CDKAL1: variants seen among roughly 807,000 people sequenced by gnomAD.
The protein encoded by CDKAL1 is threonylcarbamoyladenosine tRNA methylthiotransferase.
CDKAL1 carries 32 observed loss-of-function variants against 68.2 expected under a neutral mutation model. That is an observed-to-expected ratio of 0.47 (90% CI 0.35 to 0.63). The LOEUF (loss-of-function observed/expected upper bound fraction) is 0.63. Ranked by LOEUF, CDKAL1 falls within the 30% of genes least tolerant of loss-of-function variation. CDKAL1 has a pLI of 0.00. For synonymous variants in CDKAL1, 234 were observed against 244.3 expected (o/e 0.96, Z 0.39); for missense variants, 606 against 696.7 (o/e 0.87, Z 1.47).
chr6:20,837,480 C>T (rs1263785166), intron 8 of CDKAL1, among the ~76,000 whole-genome samples: 1 of 152,056 alleles, frequency 6.6e-6, no homozygotes, highest in South Asian at 2.1e-4. Context: ...GTTTTGTTCA[C>T]TAATACTCCT....
intron 4 of CDKAL1, among the ~76,000 whole-genome samples, chr6:20,638,310 C>T (rs188301879): frequency 6.6e-6 from 1 of 152,156 alleles, no homozygotes; most frequent in Non-Finnish European, 1.5e-5. Flanking sequence ...TTGAACATCT[C>T]TTTGTATGTT....
At position 21,000,290 on chromosome 6, in the gene CDKAL1, G is replaced by C. The variant is rs1369009971; in HGVS notation, c.973G>C (p.Ala325Pro). The C allele has an allele frequency of 8.1e-6, 13 of 1,613,770 alleles. No homozygotes were observed. Among genetic ancestry groups the C allele is most frequent in the Non-Finnish European group, 1.1e-5 (13 of 1,179,718 alleles). The change falls in exon 11 of 16, where the codon GCC (alanine) becomes CCC (proline). Residue 325 changes from alanine to proline, a missense_variant. By Grantham distance (27) the Ala-to-Pro change is conservative (BLOSUM62 -1). Coordinates refer to ENST00000274695, the MANE Select transcript of CDKAL1 (RefSeq NM_017774.3). ...TTTTCTGCACATACCAGTCCAGTCTGCCTCCGACAGCGTACTCATGGAAAT... is the reference window on the plus strand; with the variant it reads ...TTTTCTGCACATACCAGTCCAGTCTCCCTCCGACAGCGTACTCATGGAAAT... ...YAFLHIPVQS[A>P]SDSVLMEMKR...
At chr6:20,767,185 T>C (rs1774739339) in intron 7 of CDKAL1, among the ~76,000 whole-genome samples, 1 of 152,142 alleles carries the variant, frequency 6.6e-6, no homozygotes, top group African/African-American at 2.4e-5. Flanking sequence ...GTAAAATATA[T>C]TGAGAATAGA....
At chr6:20,636,891 G>A (rs181636483) in intron 4 of CDKAL1, among the ~76,000 whole-genome samples, 1 of 152,030 alleles carries the variant, frequency 6.6e-6, no homozygotes, top group East Asian at 2.0e-4. Context: ...ACAAAAATTA[G>A]CCAGGTATGG....
chr6:20,880,071 A>T (rs964012891), intron 9 of CDKAL1, among the ~76,000 whole-genome samples: 1 of 152,178 alleles, frequency 6.6e-6, no homozygotes, highest in African/African-American at 2.4e-5. Context: ...TGTCTTCCAT[A>T]TCACACCTAG....
At chr6:20,658,927 ATC>A (rs1769155744) in intron 5 of CDKAL1, among the ~76,000 whole-genome samples, 1 of 152,112 alleles carries the variant, frequency 6.6e-6, no homozygotes, top group African/African-American at 2.4e-5. Flanking sequence ...CAATTCTACC[ATC>A]TCAGCCTCAT....
intron 4 of CDKAL1, among the ~76,000 whole-genome samples, chr6:20,609,878 G>A (rs947146421): frequency 6.6e-6 from 1 of 152,062 alleles, no homozygotes; most frequent in East Asian, 1.9e-4. Flanking sequence ...CTTCATCACA[G>A]GTATTAAGCC....
intron 5 of CDKAL1, among the ~76,000 whole-genome samples, chr6:20,734,679 T>C (rs1773104122): frequency 6.6e-6 from 1 of 152,162 alleles, no homozygotes; most frequent in South Asian, 2.1e-4. Flanking sequence ...GCTTAGATTA[T>C]AGTTCTGGTC....
chr6:20,985,515 G>A (rs1766405389), intron 10 of CDKAL1, among the ~76,000 whole-genome samples: 1 of 152,152 alleles, frequency 6.6e-6, no homozygotes, highest in Non-Finnish European at 1.5e-5. Context: ...GGCTGGTCTT[G>A]AACTCCTGAT....
chr6:20,669,948 T>A (rs1168893059), intron 5 of CDKAL1, among the ~76,000 whole-genome samples: 1 of 151,482 alleles, frequency 6.6e-6, no homozygotes, highest in Non-Finnish European at 1.5e-5. Context: ...CCTATAACTA[T>A]TTCTACTTAT....
intron 8 of CDKAL1, among the ~76,000 whole-genome samples, chr6:20,818,903 T>G (rs1370366790): frequency 6.6e-6 from 1 of 152,006 alleles, no homozygotes; most frequent in East Asian, 1.9e-4. Context: ...GAATTTAGGT[T>G]GTACAAAATG....
intron 4 of CDKAL1, among the ~76,000 whole-genome samples, chr6:20,585,536 A>T (rs146982204): frequency 2.6e-5 from 4 of 152,254 alleles, no homozygotes; most frequent in African/African-American, 9.6e-5. Context: ...GCTCTCATCA[A>T]GTTCACCAAT....
intron 10 of CDKAL1, among the ~76,000 whole-genome samples, chr6:20,969,937 C>CT (rs1199129523): frequency 0.046 from 6,404 of 139,808 alleles, 397 homozygotes; most frequent in African/African-American, 0.14. Context: ...CATTCCCTGC[C>CT]TTTTTTTTTT....
At chr6:20,611,800 C>T (rs969270932) in intron 4 of CDKAL1, among the ~76,000 whole-genome samples, 3 of 152,054 alleles carry the variant, frequency 2.0e-5, no homozygotes, top group Admixed American at 6.6e-5. Context: ...TATATTGTTG[C>T]TGTCTGTAGT....
chr6:20,734,224 G>T (rs1330077746), intron 5 of CDKAL1, among the ~76,000 whole-genome samples: 1 of 151,026 alleles, frequency 6.6e-6, no homozygotes, highest in Non-Finnish European at 1.5e-5. Flanking sequence ...TGGAAGACAA[G>T]AGGGAAAAGC....
chr6:21,069,774 CTTTTTTTTTTTTTT>C (rs60241965), intron 12 of CDKAL1, among the ~76,000 whole-genome samples: 6 of 69,920 alleles, frequency 8.6e-5, no homozygotes, highest in African/African-American at 3.5e-4. Flanking sequence ...GATTTTCTTT[CTTTTTTTTTTTTTT>C]TTTTTTTTTT....
intron 9 of CDKAL1, among the ~76,000 whole-genome samples, chr6:20,901,679 T>TG (rs1218768117): frequency 0.048 from 198 of 4,164 alleles, no homozygotes; most frequent in African/African-American, 0.11. Flanking sequence ...AGACTCCATC[T>TG]GGAAAAAAAA....
chr6:20,741,015 G>A (rs1415267864), intron 6 of CDKAL1, among the ~76,000 whole-genome samples: 1 of 152,090 alleles, frequency 6.6e-6, no homozygotes, highest in Non-Finnish European at 1.5e-5. Context: ...TCATCTCAAG[G>A]AATTACGTTA....
chr6:21,012,404 C>T (rs997816902), intron 11 of CDKAL1, among the ~76,000 whole-genome samples: 3 of 152,144 alleles, frequency 2.0e-5, no homozygotes, highest in African/African-American at 7.2e-5. Context: ...GCCCCAGTCC[C>T]ATCTAGTTAC....
Sources: gnomAD v4.1 joint callset for allele counts (sites outside exome capture counted in the v4.1 genomes callset) on GRCh38, gnomAD v4.1.1 for gene constraint, MANE v1.5 for transcripts, NCBI Gene and HGNC (gene_info 2026-07-23, HGNC 2026-07-21) for gene names.